The following PVT1 variants were observed in gnomAD, a reference collection of about 807,000 sequenced individuals.
PVT1 encodes Pvt1 oncogene.
At chr8:127,977,144 A>C (rs908896171) in intron 3 of PVT1, among the ~76,000 whole-genome samples, 2 of 152,364 alleles carry the variant, frequency 1.3e-5, no homozygotes, top group East Asian at 3.8e-4. Context: ...TCTTGTTTGC[A>C]CAAAGCCCAG....
intron 2 of PVT1, among the ~76,000 whole-genome samples, chr8:127,821,106 T>C (rs184352146): frequency 1.3e-5 from 2 of 152,286 alleles, no homozygotes; most frequent in African/African-American, 4.8e-5. Context: ...GTGCGGATAC[T>C]AGCTAAGATC....
At chr8:127,967,804 C>T (rs1816719938) in intron 3 of PVT1, among the ~76,000 whole-genome samples, 1 of 152,198 alleles carries the variant, frequency 6.6e-6, no homozygotes, top group African/African-American at 2.4e-5. Context: ...CTGTAACTTG[C>T]CAGACATCTC....
intron 3 of PVT1, among the ~76,000 whole-genome samples, chr8:127,980,178 G>A (rs1816867479): frequency 1.3e-5 from 2 of 152,082 alleles, no homozygotes; most frequent in Admixed American, 1.3e-4. Flanking sequence ...CACTGTGCCT[G>A]GCCAAATATC....
In PVT1 at chr8:127,984,921, CTCTTTCTCTTTCTTTCTTTCT is replaced by C. The variant is rs1563657666; in HGVS notation, n.783-4239_783-4219del. ...TCTTTCTTTCTTTCTTTCTTTCTTT[CTCTTTCTCTTTCTTTCTTTCT>C]TTCCCCTTCCTTCCTTCCTTCCTCC... On this transcript the variant is annotated intron_variant and non_coding_transcript_variant, in intron 3 of 10. Transcript: ENST00000651587. 1.3e-3 allele frequency among the ~76,000 whole-genome samples: 144 copies of C among 112,314 alleles called. 4 individuals are homozygous for C. The highest frequency in any genetic ancestry group is 8.9e-4 in the Non-Finnish European group (51 of 57,480). 73.7% of individuals were successfully genotyped at this position (112,314 alleles called of 152,430 possible).
chr8:127,966,253 G>C (rs1321604849), intron 3 of PVT1, among the ~76,000 whole-genome samples: 1 of 152,172 alleles, frequency 6.6e-6, no homozygotes, highest in Non-Finnish European at 1.5e-5. Context: ...TCTCATAATT[G>C]TACCAAAAGC....
At chr8:127,817,751 G>A (rs1326875822) in intron 2 of PVT1, among the ~76,000 whole-genome samples, 2 of 151,420 alleles carry the variant, frequency 1.3e-5, no homozygotes, top group African/African-American at 2.4e-5. Context: ...AAAATTAGCT[G>A]GGTGTGGTGG....
At chr8:127,919,959 G>C (rs547199012) in intron 3 of PVT1, among the ~76,000 whole-genome samples, 1 of 152,246 alleles carries the variant, frequency 6.6e-6, no homozygotes, top group Non-Finnish European at 1.5e-5. Flanking sequence ...ATCTATAGGC[G>C]GAGTTAAATC....
intron 2 of PVT1, among the ~76,000 whole-genome samples, chr8:127,807,400 C>T (rs555138124): frequency 6.6e-6 from 1 of 152,210 alleles, no homozygotes; most frequent in Admixed American, 6.5e-5. Flanking sequence ...GTGGTGTGAT[C>T]GTGGCTCACT....
intron 3 of PVT1, among the ~76,000 whole-genome samples, chr8:127,909,632 ACCT>A (rs1012305682): frequency 1.3e-5 from 2 of 152,152 alleles, no homozygotes; most frequent in Non-Finnish European, 2.9e-5. Context: ...AGTGGATTGG[ACCT>A]TTAAGAACTG....
At chr8:127,921,425 G>T (rs1328346080) in intron 3 of PVT1, among the ~76,000 whole-genome samples, 1 of 152,140 alleles carries the variant, frequency 6.6e-6, no homozygotes, top group Non-Finnish European at 1.5e-5. Context: ...AGTGAAGGAA[G>T]TTTATATTTT....
chr8:128,071,687 A>AAAATAAATT (rs1813995027), intron 5 of PVT1, among the ~76,000 whole-genome samples: 2 of 139,816 alleles, frequency 1.4e-5, no homozygotes, highest in African/African-American at 5.4e-5. Context: ...CTCTGTCTCT[A>AAAATAAATT]AAATAAATAA....
chr8:127,878,682 T>C (rs1268775903), intron 2 of PVT1, among the ~76,000 whole-genome samples: 1 of 152,218 alleles, frequency 6.6e-6, no homozygotes, highest in African/African-American at 2.4e-5. Flanking sequence ...TATCGTGAGG[T>C]AACCCTGGGA....
intron 3 of PVT1, among the ~76,000 whole-genome samples, chr8:127,980,513 C>A (rs1027059593): frequency 6.6e-6 from 1 of 152,034 alleles, no homozygotes; most frequent in Non-Finnish European, 1.5e-5. Flanking sequence ...GCTTATTGAG[C>A]TGGAGACTTG....
chr8:127,934,587 G>A (rs991624691), intron 3 of PVT1, among the ~76,000 whole-genome samples: 1 of 152,210 alleles, frequency 6.6e-6, no homozygotes, highest in African/African-American at 2.4e-5. Context: ...GAGTGAATGG[G>A]TACATTTCTC....
chr8:128,041,444 T>G (rs1362574893), intron 4 of PVT1, among the ~76,000 whole-genome samples: 2 of 148,832 alleles, frequency 1.3e-5, no homozygotes, highest in Non-Finnish European at 3.0e-5. Context: ...TGCATGTGTA[T>G]GTGTTTGGCG....
intron 2 of PVT1, among the ~76,000 whole-genome samples, chr8:127,840,834 A>G (rs1315191369): frequency 6.6e-6 from 1 of 152,250 alleles, no homozygotes; most frequent in Non-Finnish European, 1.5e-5. Flanking sequence ...CGCTACAGCC[A>G]AGTCTCTTTT....
In PVT1 at chr8:127,940,853, C is replaced by T. The variant is rs116651517; in HGVS notation, n.783-48309C>T. Reference sequence around the variant, plus strand: ...CTGGACTCAAGCGATCCTCCCACCTCGGCCTTCTAAAGTGCTGTGATTACA... The same window carrying T: ...CTGGACTCAAGCGATCCTCCCACCTTGGCCTTCTAAAGTGCTGTGATTACA... On this transcript the variant is annotated intron_variant and non_coding_transcript_variant, in intron 3 of 10. Coordinates refer to ENST00000651587, the Ensembl canonical transcript of PVT1. Among the ~76,000 whole-genome samples the T allele has an allele frequency of 4.3e-3, 660 of 152,318 alleles. 5 individuals carry two copies. Among genetic ancestry groups the T allele is most frequent in the African/African-American group, 0.015 (615 of 41,572 alleles).
rs146894611 is a variant in PVT1, at chr8:127,888,905, C to T, written n.373-1684C>T. On this transcript the variant is annotated intron_variant and non_coding_transcript_variant, in intron 2 of 10. Transcript: ENST00000651587. ...TTATTTCTTTTTCTGTTTTAAACCACTACGTTTGTAAACATTTCTTTGGCA... is the reference window on the plus strand; with the variant it reads ...TTATTTCTTTTTCTGTTTTAAACCATTACGTTTGTAAACATTTCTTTGGCA... 1.6e-4 allele frequency among the ~76,000 whole-genome samples: 24 copies of T among 152,322 alleles called. No homozygotes were observed. In the East Asian group the frequency reaches 3.5e-3, roughly 22 times the overall value.
chr8:127,945,015 T>TG (rs928525626), intron 3 of PVT1, among the ~76,000 whole-genome samples: 1 of 152,182 alleles, frequency 6.6e-6, no homozygotes, highest in South Asian at 2.1e-4. Flanking sequence ...TACTTTCCCC[T>TG]GGGGGTCAAG....
Sources: gnomAD v4.1 joint callset for allele counts (sites outside exome capture counted in the v4.1 genomes callset) on GRCh38, gnomAD v4.1.1 for gene constraint, MANE v1.5 for transcripts, NCBI Gene and HGNC (gene_info 2026-07-23, HGNC 2026-07-21) for gene names.